Variants in BTBD10 observed in about 807,000 individuals in gnomAD.
The protein encoded by BTBD10 is BTB/POZ domain-containing protein 10.
Under a neutral mutation model 53.2 loss-of-function variants are expected in BTBD10, and 21 were observed. The observed-to-expected ratio is 0.39, with a 90% CI of 0.28 to 0.57. The LOEUF is 0.57. Ranked by LOEUF, BTBD10 falls within the 20% of genes least tolerant of loss-of-function variation. The probability of loss-of-function intolerance (pLI) is 0.53; values close to 1 mark genes in which losing one functional copy is unlikely to be tolerated. For synonymous variants in BTBD10, 149 were observed against 192.7 expected, an observed-to-expected ratio of 0.77 and a Z score of 1.88; for missense variants, 360 against 594.7, an observed-to-expected ratio of 0.61 and a Z score of 4.10.
intron 2 of BTBD10, among the ~76,000 whole-genome samples, chr11:13,430,974 T>TACACACACACACACACACACACAC (rs3046409): frequency 4.2e-5 from 6 of 144,490 alleles, no homozygotes; most frequent in African/African-American, 1.5e-4. Flanking sequence ...TGGAGATACA[T>TACACACACACACACACACACACAC]ACACACACAC....
intron 8 of BTBD10, among the ~76,000 whole-genome samples, chr11:13,394,467 T>A (rs1301150253): frequency 6.6e-6 from 1 of 152,240 alleles, no homozygotes; most frequent in Non-Finnish European, 1.5e-5. Flanking sequence ...TCATGCTTCC[T>A]GTTAAGCCTG....
chr11:13,448,687 GACCTCCTTACC>G (rs1222495734), intron 1 of BTBD10, among the ~76,000 whole-genome samples: 1 of 152,048 alleles, frequency 6.6e-6, no homozygotes, highest in Non-Finnish European at 1.5e-5. Context: ...AATGTTGGCT[GACCTCCTTACC>G]ACCATTCAAT....
chr11:13,389,106 G>A lies in BTBD10; in HGVS notation c.1153C>T (p.Pro385Ser). 1.2e-6 allele frequency: 2 copies of A among 1,612,738 alleles called. No homozygotes were observed. The highest frequency in any genetic ancestry group is 1.7e-6 in the Non-Finnish European group (2 of 1,179,578). ...TAGATCACTTCTGGGCGGCCTCCAG[G>A]CCTTTTCTTTACTTTTTCTTTGTAG... Reference protein sequence around the residue: ...PTYKEKVKKRPGGRPEVIYNY... With the variant: ...PTYKEKVKKRSGGRPEVIYNY... The change falls in exon 9 of 9, where the codon CCT becomes TCT. Residue 385 changes from proline (P) to serine (S), a missense_variant. Physicochemically the swap from Pro to Ser is moderately conservative, Grantham distance 74. Transcript: ENST00000278174.
chr11:13,459,201 C>T (rs991159621), intron 1 of BTBD10, among the ~76,000 whole-genome samples: 4 of 150,428 alleles, frequency 2.7e-5, no homozygotes, highest in Non-Finnish European at 3.0e-5. Context: ...GGACTACAGG[C>T]GCCCGCCACT....
intron 8 of BTBD10, among the ~76,000 whole-genome samples, chr11:13,396,894 C>T (rs551510720): frequency 2.6e-5 from 4 of 152,182 alleles, no homozygotes; most frequent in Non-Finnish European, 5.9e-5. Flanking sequence ...ATGAAGCCCA[C>T]TTGATCATGG....
intron 1 of BTBD10, among the ~76,000 whole-genome samples, chr11:13,454,065 AAAAAAG>A (rs1565274033): frequency 1.3e-5 from 2 of 152,180 alleles, no homozygotes; most frequent in Admixed American, 1.3e-4. Context: ...AACAAAAACA[AAAAAAG>A]AAGAAGAAAG....
Position 13,388,920 on chromosome 11 carries a change from G to T in BTBD10, c.1339C>A (p.Pro447Thr). 1 of 1,614,214 alleles carries T rather than the reference G, an allele frequency of 6.2e-7. No individual in the cohort carries two copies. Among genetic ancestry groups the T allele is most frequent in the African/African-American group, 1.3e-5 (1 of 75,056 alleles). ...QDQLVVMHPT[P>T]QVDELDILPI... ...AGAATATCCAGCTCATCCACTTGTG[G>T]AGTTGGATGCATGACTACCAGCTGG... Residue 447 changes from proline to threonine, a missense_variant, in exon 9 of 9, where the codon CCA (proline) becomes ACA (threonine). Around this residue, in one of 6 missense-constraint regions of BTBD10, gnomAD observed 52 missense variants for 180.4 expected, o/e 0.29. Transcript: ENST00000278174.
intron 8 of BTBD10, among the ~76,000 whole-genome samples, chr11:13,398,384 C>G (rs1354072843): frequency 6.6e-6 from 1 of 151,404 alleles, no homozygotes; most frequent in East Asian, 1.9e-4. Context: ...TTTTTGTTTT[C>G]CATTTGCTTG....
intron 6 of BTBD10, among the ~76,000 whole-genome samples, chr11:13,406,635 G>A (rs369591359): frequency 1.1e-5 from 1 of 88,970 alleles, no homozygotes; most frequent in African/African-American, 3.7e-5. Flanking sequence ...GTGTGTGTGT[G>A]TGTGTTTGTG....
At chr11:13,416,375 A>G (rs956227414) in intron 5 of BTBD10, among the ~76,000 whole-genome samples, 5 of 151,210 alleles carry the variant, frequency 3.3e-5, no homozygotes, top group African/African-American at 1.2e-4. Context: ...AACAACAACA[A>G]CAAAAAAAAC....
At chr11:13,407,561 T>C (rs1433347946) in intron 6 of BTBD10, among the ~76,000 whole-genome samples, 1 of 152,200 alleles carries the variant, frequency 6.6e-6, no homozygotes. Flanking sequence ...GGATTTCTCC[T>C]TTACCACCTA....
intron 1 of BTBD10, among the ~76,000 whole-genome samples, chr11:13,458,135 C>CAAAAAAAAAAAAAAAAAAAAAAAAAA (rs35036994): frequency 1.6e-5 from 1 of 62,882 alleles, no homozygotes; most frequent in African/African-American, 5.6e-5. Flanking sequence ...GACTCCATCT[C>CAAAAAAAAAAAAAAAAAAAAAAAAAA]AAAAAAAAAA....
intron 6 of BTBD10, 74 bp from the exon 7 acceptor site, chr11:13,405,930 A>G (rs1565235864): frequency 2.1e-6 from 3 of 1,432,908 alleles, no homozygotes; most frequent in Non-Finnish European, 2.9e-6. Context: ...ATAGACTCTT[A>G]TAACAAGAAA....
intron 5 of BTBD10, among the ~76,000 whole-genome samples, chr11:13,416,043 A>G (rs1950100681): frequency 6.6e-6 from 1 of 151,668 alleles, no homozygotes. Flanking sequence ...TTAAAACCTC[A>G]AAAAAAAGTT....
intron 2 of BTBD10, among the ~76,000 whole-genome samples, chr11:13,432,531 C>G (rs1950468126): frequency 6.6e-6 from 1 of 151,710 alleles, no homozygotes; most frequent in Admixed American, 6.6e-5. Context: ...TCTTGTAAAT[C>G]TAAAATTATT....
chr11:13,422,427 C>A (rs1055316086), intron 2 of BTBD10, among the ~76,000 whole-genome samples: 1 of 152,102 alleles, frequency 6.6e-6, no homozygotes, highest in East Asian at 1.9e-4. Flanking sequence ...GCGGGTGAAT[C>A]GCTTGAGGTC....
At chr11:13,450,071 G>A (rs1950826821) in intron 1 of BTBD10, among the ~76,000 whole-genome samples, 1 of 152,154 alleles carries the variant, frequency 6.6e-6, no homozygotes, top group African/African-American at 2.4e-5. Flanking sequence ...TATTTCAAGT[G>A]TAGCCATTAC....
intron 8 of BTBD10, among the ~76,000 whole-genome samples, chr11:13,401,697 G>A (rs1179633588): frequency 6.6e-6 from 1 of 152,100 alleles, no homozygotes; most frequent in Non-Finnish European, 1.5e-5. Context: ...GATATACAGA[G>A]TATTACACTC....
chr11:13,415,900 C>T (rs996042797), intron 5 of BTBD10, among the ~76,000 whole-genome samples: 1 of 151,692 alleles, frequency 6.6e-6, no homozygotes, highest in Non-Finnish European at 1.5e-5. Context: ...AAGCCATCCA[C>T]CTGCCTTGGT....
Sources: gnomAD v4.1 joint callset for allele counts (sites outside exome capture counted in the v4.1 genomes callset) on GRCh38, gnomAD v4.1.1 for gene constraint, gnomAD v4.1.1 regional missense constraint, MANE v1.5 for transcripts, NCBI Gene and HGNC (gene_info 2026-07-23, HGNC 2026-07-21) for gene names.